Variants in NF2 observed in about 807,000 individuals in gnomAD.
The protein encoded by NF2 is merlin.
A neutral mutation model predicts 83.7 loss-of-function variants in NF2; 8 were observed. The observed-to-expected ratio is 0.10, with a 90% CI of 0.06 to 0.17. NF2 has a LOEUF of 0.17. Among genes scored for constraint, NF2 ranks in the 10% least tolerant of loss-of-function variants. The pLI, the probability that NF2 is intolerant of heterozygous loss-of-function variation, is 1.00. For synonymous variants in NF2, 266 were observed against 269.6 expected (o/e 0.99, Z 0.13); for missense variants, 533 against 744.4 (o/e 0.72, Z 3.31).
rs958414303 is a variant in NF2, at chr22:29,603,675, G to C, written c.-324G>C. On this transcript the variant is annotated 5_prime_UTR_variant, in exon 1 of 16. Transcript: ENST00000338641. ...CTGAGAGGCGCGCGGAGTCTGGGCC[G>C]CTGCCGTCTAGGGGTCCCGTCCCGA... The C allele has an allele frequency of 9.6e-6, 4 of 415,230 alleles. No homozygotes were observed. The allele number at this position is 415,230 out of a possible 1,614,324, so 25.7% of individuals were successfully genotyped here. A position where few individuals can be genotyped will look rare whatever the true frequency, so the allele number is the denominator to read the frequency against.
At chr22:29,689,922 C>T (rs892903417) in intron 15 of NF2, among the ~76,000 whole-genome samples, 3 of 152,234 alleles carry the variant, frequency 2.0e-5, no homozygotes, top group African/African-American at 7.2e-5. Context: ...TAGTTACCCT[C>T]CCATCACTTT....
intron 2 of NF2, among the ~76,000 whole-genome samples, chr22:29,637,195 G>A: frequency 6.6e-6 from 1 of 152,192 alleles, no homozygotes; most frequent in East Asian, 1.9e-4. Context: ...AAAAATTACT[G>A]TTATCTTCAT....
At chr22:29,684,482 CTCTT>C (rs2067225554) in intron 15 of NF2, among the ~76,000 whole-genome samples, 1 of 152,200 alleles carries the variant, frequency 6.6e-6, no homozygotes, top group Non-Finnish European at 1.5e-5. Context: ...ATGTGACTTC[CTCTT>C]TCTTCTTTCT....
rs533873320 is a variant in NF2 at position 29,607,994 on chromosome 22, A to G, written c.114+3882A>G. 5.0e-4 allele frequency among the ~76,000 whole-genome samples: 75 copies of G among 151,072 alleles called. No individual in the cohort carries two copies. In the East Asian group the frequency reaches 0.012, roughly 24 times the overall value. On this transcript the variant is annotated intron_variant, in intron 1 of 15. Transcript: ENST00000338641. ...TCGAGACCAGCCTGACCAACATGGT[A>G]AAACCCCGTCTCTGCTAAAAATACA...
rs1176399236 is a variant in NF2, at chr22:29,678,188, A to T, written c.1447-8A>T. 6.2e-7 allele frequency: 1 copy of T among 1,613,678 alleles called. No individual in the cohort carries two copies. The highest frequency in any genetic ancestry group is 8.5e-7 in the Non-Finnish European group (1 of 1,179,760). On this transcript the variant is annotated splice_polypyrimidine_tract_variant and splice_region_variant and intron_variant, in intron 13 of 15. Coordinates refer to ENST00000338641, the MANE Select transcript of NF2 (RefSeq NM_000268.4). ...CCAAGCTCCTAATCCGAAATTTCTC[A>T]TTAACAGCCCATGAACCCAATTCCA...
chr22:29,633,859 G>A (rs2065579175), intron 1 of NF2, among the ~76,000 whole-genome samples: 1 of 152,186 alleles, frequency 6.6e-6, no homozygotes, highest in African/African-American at 2.4e-5. Context: ...CCATTTTGTA[G>A]CATCAGTGTC....
Position 29,697,177 on chromosome 22 carries a change from G to A in NF2, c.*2375G>A, listed in dbSNP as rs2067576508. 1 of 201,604 alleles carries A rather than the reference G, an allele frequency of 5.0e-6. No homozygotes were observed. Among genetic ancestry groups the A allele is most frequent in the Non-Finnish European group, 1.0e-5 (1 of 97,652 alleles). 12.5% of individuals were successfully genotyped at this position (201,604 alleles called of 1,614,324 possible). A position where few individuals can be genotyped will look rare whatever the true frequency, so the allele number is the denominator to read the frequency against. ...CCAGGAGTTACTTTCCTCCTGACCT[G>A]TAAATTTGTTCTTTAACAATGGCTG... On this transcript the variant is annotated 3_prime_UTR_variant, in exon 16 of 16. Coordinates refer to ENST00000338641, the MANE Select transcript of NF2 (RefSeq NM_000268.4).
At position 29,686,279 on chromosome 22, in the gene NF2, A is replaced by C. The variant is rs567521984; in HGVS notation, c.1737+4678A>C. On this transcript the variant is annotated intron_variant, in intron 15 of 15. Transcript: ENST00000338641. ...GGGCCACACCGCCACATCTAGGTACACTGCTTGTGCTGGGCATATTCATTC... is the reference window on the plus strand; with the variant it reads ...GGGCCACACCGCCACATCTAGGTACCCTGCTTGTGCTGGGCATATTCATTC... Among the ~76,000 whole-genome samples, 11 of 152,334 alleles carry C rather than the reference A, an allele frequency of 7.2e-5. 1 individual carries two copies. In the South Asian group the frequency reaches 2.3e-3, roughly 32 times the overall value.
At chr22:29,666,007 T>A (rs2066612977) in intron 9 of NF2, among the ~76,000 whole-genome samples, 1 of 152,192 alleles carries the variant, frequency 6.6e-6, no homozygotes, top group Non-Finnish European at 1.5e-5. Context: ...ATATATATTC[T>A]TTTGTCATTT....
chr22:29,688,219 G>A (rs983831792), intron 15 of NF2, among the ~76,000 whole-genome samples: 1 of 152,200 alleles, frequency 6.6e-6, no homozygotes, highest in Non-Finnish European at 1.5e-5. Flanking sequence ...TGCCTGCCTA[G>A]GTACTTTACC....
intron 4 of NF2, among the ~76,000 whole-genome samples, chr22:29,646,614 G>C (rs1364261286): frequency 6.6e-6 from 1 of 152,180 alleles, no homozygotes; most frequent in Non-Finnish European, 1.5e-5. Context: ...ATTCATTACA[G>C]TATTTCAGCT....
In NF2 at chr22:29,668,595, C is replaced by T. The variant is rs990814508; in HGVS notation, c.999+149C>T. 33 of 684,912 alleles carry T rather than the reference C, an allele frequency of 4.8e-5. 1 individual carries two copies. The African/African-American group carries it at 5.3e-4, about 11-fold the overall frequency. The allele number at this position is 684,912 out of a possible 1,614,324, so 42.4% of individuals were successfully genotyped here. A position where few individuals can be genotyped will look rare whatever the true frequency, so the allele number is the denominator to read the frequency against. The stretch of plus-strand genomic sequence containing the variant: ...CCTTTTGGATCTTCATTTGCCGATG[C>T]CTACCTGGTGGGATGTCATCTCTGG... On this transcript the variant is annotated intron_variant, in intron 10 of 15. Coordinates refer to ENST00000338641, the MANE Select transcript of NF2 (RefSeq NM_000268.4).
chr22:29,646,000 C>A (rs2065972925), intron 4 of NF2, among the ~76,000 whole-genome samples: 1 of 152,176 alleles, frequency 6.6e-6, no homozygotes. Context: ...TGACATACTT[C>A]CAGTTTCTAG....
intron 4 of NF2, among the ~76,000 whole-genome samples, chr22:29,647,931 C>T (rs921118567): frequency 8.6e-5 from 13 of 151,834 alleles, no homozygotes; most frequent in Non-Finnish European, 1.6e-4. Flanking sequence ...GCTTTTTCCC[C>T]TTAAGGTAGG....
rs897351775 is a variant in NF2 at position 29,681,698 on chromosome 22, C to T, written c.1737+97C>T. 9.8e-5 allele frequency: 142 copies of T among 1,444,580 alleles called. No homozygotes were observed. The Middle Eastern group carries it at 1.6e-3, about 16-fold the overall frequency. 89.5% of individuals were successfully genotyped at this position (1,444,580 alleles called of 1,614,324 possible). ...TTTCCTCAGTAGCCAAGTCACTAGA[C>T]TATTGGCATCTTTTGTATGTACTTA... On this transcript the variant is annotated intron_variant, in intron 15 of 15. Coordinates refer to ENST00000338641, the MANE Select transcript of NF2 (RefSeq NM_000268.4).
At chr22:29,652,387 C>T (rs1348172217) in intron 4 of NF2, among the ~76,000 whole-genome samples, 2 of 152,162 alleles carry the variant, frequency 1.3e-5, no homozygotes, top group African/African-American at 2.4e-5. Context: ...TCACTGCAAC[C>T]TCCGCCTCCC....
At chr22:29,643,208 T>A (rs2065861413) in intron 4 of NF2, among the ~76,000 whole-genome samples, 1 of 152,152 alleles carries the variant, frequency 6.6e-6, no homozygotes, top group Non-Finnish European at 1.5e-5. Context: ...CTTGAACTCC[T>A]GAGCTCAAGT....
chr22:29,673,833 A>G (rs906232848), intron 12 of NF2, among the ~76,000 whole-genome samples: 1 of 152,192 alleles, frequency 6.6e-6, no homozygotes, highest in African/African-American at 2.4e-5. Flanking sequence ...CTCTTTGTGC[A>G]TTTAAAAAAA....
At chr22:29,683,044 A>G (rs187478738) in intron 15 of NF2, 24 of 1,614,204 alleles carry the variant, frequency 1.5e-5, no homozygotes, top group Non-Finnish European at 1.9e-5. Context: ...CAGAAGACCT[A>G]TCTGCATTTG....
Sources: allele counts gnomAD v4.1 joint callset (sites outside exome capture counted in the v4.1 genomes callset), GRCh38; gene constraint gnomAD v4.1.1; transcripts MANE v1.5; gene names NCBI Gene and HGNC (gene_info 2026-07-23, HGNC 2026-07-21).